Variants in JAM3 observed in about 807,000 individuals in gnomAD.
The protein encoded by JAM3 is junctional adhesion molecule C.
In JAM3, 31 loss-of-function variants were observed where a neutral mutation model predicts 39.4. The observed-to-expected ratio is 0.79, with a 90% CI of 0.59 to 1.06. The LOEUF is 1.06. Ranked by LOEUF, JAM3 falls within the 50% of genes least tolerant of loss-of-function variation. The probability of loss-of-function intolerance (pLI) is 0.00; values close to 1 mark genes in which losing one functional copy is unlikely to be tolerated. For synonymous variants in JAM3, 182 were observed against 148.7 expected (o/e 1.22, Z -1.63); for missense variants, 455 against 391.4 (o/e 1.16, Z -1.37).
At chr11:134,130,098 G>A (rs1300502524) in intron 1 of JAM3, among the ~76,000 whole-genome samples, 2 of 152,116 alleles carry the variant, frequency 1.3e-5, no homozygotes, top group Non-Finnish European at 2.9e-5. Context: ...TAAGCACATC[G>A]AGTAGTTACC....
intron 1 of JAM3, among the ~76,000 whole-genome samples, chr11:134,113,227 T>C (rs893578038): frequency 4.0e-5 from 6 of 150,974 alleles, no homozygotes; most frequent in Non-Finnish European, 7.4e-5. Flanking sequence ...ACTTTAAGGG[T>C]ACATGTGCAC....
chr11:134,124,005 G>A, intron 1 of JAM3: 1 of 1,501,734 alleles, frequency 6.7e-7, no homozygotes, highest in East Asian at 2.3e-5. Context: ...CAGCACAGGT[G>A]CCCTTCCCAA....
intron 3 of JAM3, 84 bp downstream of exon 3, chr11:134,140,854 A>T (rs1942961735): frequency 6.6e-7 from 1 of 1,526,518 alleles, no homozygotes. Flanking sequence ...AACTTACCTC[A>T]GACTGGTAAC....
chr11:134,114,102 C>G (rs899036822), intron 1 of JAM3, among the ~76,000 whole-genome samples: 10 of 152,084 alleles, frequency 6.6e-5, no homozygotes, highest in Non-Finnish European at 1.5e-4. Context: ...AGCCCTTTGT[C>G]AGATGAGTAG....
chr11:134,085,280 A>G (rs1941729841), intron 1 of JAM3, among the ~76,000 whole-genome samples: 1 of 152,220 alleles, frequency 6.6e-6, no homozygotes, highest in Non-Finnish European at 1.5e-5. Flanking sequence ...TGAATTATGA[A>G]GTAGAAAGAA....
chr11:134,119,258 TAGA>T (rs1942491951), intron 1 of JAM3, among the ~76,000 whole-genome samples: 1 of 152,068 alleles, frequency 6.6e-6, no homozygotes, highest in African/African-American at 2.4e-5. Context: ...TTGGAAATGA[TAGA>T]ATCAAATAGA....
chr11:134,097,268 TTAAG>T (rs2120667164), intron 1 of JAM3, among the ~76,000 whole-genome samples: 1 of 152,332 alleles, frequency 6.6e-6, no homozygotes, highest in Admixed American at 6.5e-5. Flanking sequence ...AGGGAATTTC[TTAAG>T]TGAGTACTAG....
chr11:134,095,353 C>T (rs983010179), intron 1 of JAM3, among the ~76,000 whole-genome samples: 5 of 151,792 alleles, frequency 3.3e-5, no homozygotes, highest in Admixed American at 3.3e-4. Context: ...TCTAATAGGC[C>T]CAGCGCAGTG....
chr11:134,093,315 G>C (rs1941909603), intron 1 of JAM3, among the ~76,000 whole-genome samples: 1 of 130,440 alleles, frequency 7.7e-6, no homozygotes, highest in Admixed American at 7.6e-5. Context: ...TATTCATCTT[G>C]TTCCATCTTA....
intron 1 of JAM3, among the ~76,000 whole-genome samples, chr11:134,092,114 C>G (rs1403002232): frequency 6.6e-6 from 1 of 152,144 alleles, no homozygotes; most frequent in Non-Finnish European, 1.5e-5. Flanking sequence ...AAGCCTTGAG[C>G]TTCTTATGAC....
At chr11:134,071,042 A>G (rs1182492191) in intron 1 of JAM3, among the ~76,000 whole-genome samples, 1 of 152,158 alleles carries the variant, frequency 6.6e-6, no homozygotes, top group Non-Finnish European at 1.5e-5. Flanking sequence ...GCTACCCTAA[A>G]ACTGTTCTTC....
chr11:134,084,037 C>T (rs1053346336), intron 1 of JAM3, among the ~76,000 whole-genome samples: 26 of 152,090 alleles, frequency 1.7e-4, no homozygotes, highest in Non-Finnish European at 3.4e-4. Flanking sequence ...GGTCATAAGA[C>T]TTTAATTCAT....
intron 3 of JAM3, among the ~76,000 whole-genome samples, chr11:134,143,776 T>C (rs982983385): frequency 2.6e-5 from 4 of 152,260 alleles, no homozygotes; most frequent in Non-Finnish European, 5.9e-5. Flanking sequence ...TTTATGCTTA[T>C]GCATTTTTCT....
At chr11:134,112,679 CAAGG>C (rs982536579) in intron 1 of JAM3, among the ~76,000 whole-genome samples, 2 of 152,118 alleles carry the variant, frequency 1.3e-5, no homozygotes, top group African/African-American at 4.8e-5. Context: ...CAATTATAGA[CAAGG>C]AAACTCACTC....
chr11:134,151,358 T>C lies in JAM3; in HGVS notation c.*2177T>C, dbSNP rs1181922588. Reference sequence around the variant, plus strand: ...CTTAGCATGCAAGTTCCCTCCATCATTGCCACCTTGGTAGAGAGGGATGGC... The same window carrying C: ...CTTAGCATGCAAGTTCCCTCCATCACTGCCACCTTGGTAGAGAGGGATGGC... On this transcript the variant is annotated 3_prime_UTR_variant, in exon 9 of 9. Coordinates refer to ENST00000299106, the MANE Select transcript of JAM3 (RefSeq NM_032801.5). 6.6e-6 allele frequency: 1 copy of C among 152,178 alleles called. No homozygotes were observed. The highest frequency in any genetic ancestry group is 6.5e-5 in the Admixed American group (1 of 15,272). The allele number at this position is 152,178 out of a possible 1,614,324, so 9.4% of individuals were successfully genotyped here.
In JAM3 at chr11:134,069,164, G is replaced by T. The variant is rs372666041; in HGVS notation, c.76+5G>T. On this transcript the variant is annotated splice_donor_5th_base_variant and intron_variant, in intron 1 of 8. Transcript: ENST00000299106. ...TCCTGCTGCTGCTTTTCAGGGGTGA[G>T]TTTGCGCGTTTCCGCTGTTGGGAGA... 4.3e-6 allele frequency: 7 copies of T among 1,612,450 alleles called. No homozygotes were observed. Among genetic ancestry groups the T allele is most frequent in the Non-Finnish European group, 5.9e-6 (7 of 1,179,268 alleles).
intron 1 of JAM3, among the ~76,000 whole-genome samples, chr11:134,135,944 C>T (rs574773044): frequency 2.0e-5 from 3 of 152,060 alleles, no homozygotes; most frequent in South Asian, 2.1e-4. Flanking sequence ...GTGGCAGGCA[C>T]CTGTAATCCC....
intron 1 of JAM3, among the ~76,000 whole-genome samples, chr11:134,104,317 A>G (rs2120695506): frequency 6.6e-6 from 1 of 152,328 alleles, no homozygotes; most frequent in East Asian, 1.9e-4. Context: ...AATGAGAACA[A>G]AGACACAACA....
chr11:134,088,491 T>C (rs1232656856), intron 1 of JAM3, among the ~76,000 whole-genome samples: 1 of 152,186 alleles, frequency 6.6e-6, no homozygotes, highest in Non-Finnish European at 1.5e-5. Context: ...GAAGGTTATA[T>C]TCTTTAAGGA....
Sources: allele counts gnomAD v4.1 joint callset (sites outside exome capture counted in the v4.1 genomes callset), GRCh38; gene constraint gnomAD v4.1.1; transcripts MANE v1.5; gene names NCBI Gene and HGNC (gene_info 2026-07-23, HGNC 2026-07-21).